The following KPNB1 variants were observed in gnomAD, a reference collection of about 807,000 sequenced individuals.
KPNB1 encodes karyopherin subunit beta 1, also known as importin subunit beta-1.
KPNB1 carries 7 observed loss-of-function variants against 113.0 expected under a neutral mutation model. That is an observed-to-expected ratio of 0.06 (90% confidence interval 0.04 to 0.12). The LOEUF (loss-of-function observed/expected upper bound fraction) is 0.12, where lower values mean the gene tolerates loss of function less well. Ranked by LOEUF, KPNB1 falls within the 10% of genes least tolerant of loss-of-function variation. The probability of loss-of-function intolerance (pLI) is 1.00; values close to 1 mark genes in which losing one functional copy is unlikely to be tolerated. For missense variants in KPNB1, 400 were observed against 1,054.8 expected (o/e 0.38, Z 8.60); for synonymous variants, 363 against 378.6 (o/e 0.96, Z 0.48).
At chr17:47,666,457 T>G (rs1016267551) in intron 9 of KPNB1, among the ~76,000 whole-genome samples, 1 of 137,334 alleles carries the variant, frequency 7.3e-6, no homozygotes, top group South Asian at 2.2e-4. Context: ...ATATATTATG[T>G]TATATATATT....
Position 47,685,120 on chromosome 17 carries a change from T to G in KPNB1, c.*2716T>G, listed in dbSNP as rs1030805210. 1.3e-5 allele frequency: 2 copies of G among 152,162 alleles called. No individual in the cohort carries two copies. The highest frequency in any genetic ancestry group is 4.8e-5 in the African/African-American group (2 of 41,426). The allele number at this position is 152,162 out of a possible 1,614,324, so 9.4% of individuals were successfully genotyped here. A position where few individuals can be genotyped will look rare whatever the true frequency, so the allele number is the denominator to read the frequency against. ...TACATTTATTAATTTTGCTTTTCAT[T>G]TTTCCCAGTTCTCCTCACCCCCCCT... is the stretch of plus-strand genomic sequence containing the variant. On this transcript the variant is annotated 3_prime_UTR_variant, in exon 22 of 22. Coordinates refer to ENST00000290158, the MANE Select transcript of KPNB1 (RefSeq NM_002265.6).
rs774017768 is a variant in KPNB1 at position 47,682,432 on chromosome 17, G to A, written c.*28G>A. 5.1e-6 allele frequency: 4 copies of A among 780,152 alleles called. No individual in the cohort carries two copies. Among genetic ancestry groups the A allele is most frequent in the Non-Finnish European group, 7.2e-6 (3 of 418,104 alleles). The allele number at this position is 780,152 out of a possible 1,614,324, so 48.3% of individuals were successfully genotyped here. On this transcript the variant is annotated 3_prime_UTR_variant, in exon 22 of 22. Transcript: ENST00000290158. ...TGTTACCATTGGGATGATAACCTGA[G>A]GACCCCCACTGGAAATCTCCCATCT...
chr17:47,670,586 T>G, intron 11 of KPNB1, 116 bp from the exon 12 acceptor site: 1 of 1,043,888 alleles, frequency 9.6e-7, no homozygotes, highest in East Asian at 2.4e-5. Flanking sequence ...TGAGATGACC[T>G]TGGCAGAAAA....
chr17:47,658,639 C>A lies in KPNB1; in HGVS notation c.615C>A (p.Thr205=). Residue 205 remains threonine (T), a synonymous_variant, in exon 5 of 22, where the codon ACC becomes ACA. Transcript: ENST00000290158. ...TNALLNSLEF[T]KANFDKESER... ...CACTCCTGAACTCATTGGAGTTCAC[C>A]AAAGCAAACTTTGATAAAGAGGTAA... 6.2e-7 allele frequency: 1 copy of A among 1,612,870 alleles called. No individual in the cohort carries two copies. The highest frequency in any genetic ancestry group is 8.5e-7 in the Non-Finnish European group (1 of 1,179,460).
At position 47,649,961 on chromosome 17, in the gene KPNB1, CT is replaced by C; in HGVS notation, c.-281del. ...CTCTCACTCACAGCCTCCCTTCCTT[CT>C]TTCTCCCTCCGCCTCCCGAGCACCA... On this transcript the variant is annotated 5_prime_UTR_variant, in exon 1 of 22. Coordinates refer to ENST00000290158, the MANE Select transcript of KPNB1 (RefSeq NM_002265.6). The C allele has an allele frequency of 7.6e-7, 1 of 1,323,986 alleles. No homozygotes were observed. The highest frequency in any genetic ancestry group is 9.6e-7 in the Non-Finnish European group (1 of 1,041,378). 82.0% of individuals were successfully genotyped at this position (1,323,986 alleles called of 1,614,324 possible).
rs2030572811 is a variant in KPNB1 at position 47,675,365 on chromosome 17, TTTTTTTGTTTTTTTTTTTTGTTTG to T, written c.1912+590_1912+613del. Among the ~76,000 whole-genome samples the T allele has an allele frequency of 3.5e-5, 4 of 114,108 alleles. 1 individual carries two copies. Among genetic ancestry groups the T allele is most frequent in the African/African-American group, 1.2e-4 (3 of 25,592 alleles). The allele number at this position is 114,108 out of a possible 152,430, so 74.9% of individuals were successfully genotyped here. On this transcript the variant is annotated intron_variant, in intron 15 of 21. Transcript: ENST00000290158. The stretch of plus-strand genomic sequence containing the variant: ...ACGGAGATTGGCAGAGGTGTTGTTT[TTTTTTTGTTTTTTTTTTTTGTTTG>T]TTTTTTTTTTGAGACTTGTTCTGTT...
At position 47,650,170 on chromosome 17, in the gene KPNB1, A is replaced by ACCCCCCCCCCCCC; in HGVS notation, c.-75_-74insCCCCCCCCCCCCC. On this transcript the variant is annotated 5_prime_UTR_variant, in exon 1 of 22. Transcript: ENST00000290158. The stretch of plus-strand genomic sequence containing the variant: ...CCTTCCCACCCGACCCCCAACCCCC[A>ACCCCCCCCCCCCC]TCCCCAGTTCGAGCCGCCGCCCGAA... 2 of 707,846 alleles carry ACCCCCCCCCCCCC rather than the reference A, an allele frequency of 2.8e-6. No homozygotes were observed. Among genetic ancestry groups the ACCCCCCCCCCCCC allele is most frequent in the Admixed American group, 1.2e-4 (1 of 8,228 alleles). The allele number at this position is 707,846 out of a possible 1,614,324, so 43.8% of individuals were successfully genotyped here.
At chr17:47,670,641 T>G in intron 11 of KPNB1, 61 bp from the exon 12 acceptor site, 3,164 of 1,443,860 alleles carry the variant, frequency 2.2e-3, no homozygotes, top group Non-Finnish European at 2.7e-3. Context: ...TAATGAAAAA[T>G]GAGATAATCC....
intron 7 of KPNB1, 149 bp downstream of exon 7, chr17:47,663,327 G>A (rs1409606644): frequency 1.7e-5 from 10 of 574,462 alleles, no homozygotes; most frequent in Middle Eastern, 4.2e-4. Context: ...GCTCATCAGT[G>A]GTGTGCCAAG....
chr17:47,679,879 A>T (rs2030721185), intron 19 of KPNB1, 141 bp from the exon 20 acceptor site: 3 of 583,466 alleles, frequency 5.1e-6, no homozygotes, highest in Non-Finnish European at 9.3e-6. Flanking sequence ...TTGTATTTTT[A>T]GTAGAGACGG....
At chr17:47,653,194 A>G (rs947406605) in intron 3 of KPNB1, among the ~76,000 whole-genome samples, 3 of 151,920 alleles carry the variant, frequency 2.0e-5, no homozygotes, top group Non-Finnish European at 4.4e-5. Flanking sequence ...TTGTATAAAA[A>G]TTAGGGAATT....
chr17:47,655,205 C>A (rs563585116), intron 3 of KPNB1, among the ~76,000 whole-genome samples: 255 of 152,320 alleles, frequency 1.7e-3, no homozygotes, highest in African/African-American at 5.7e-3. Context: ...TTAGTGAGTT[C>A]ATTGACTGAA....
At chr17:47,662,440 A>G (rs2030131836) in intron 6 of KPNB1, among the ~76,000 whole-genome samples, 2 of 151,946 alleles carry the variant, frequency 1.3e-5, no homozygotes, top group Non-Finnish European at 2.9e-5. Context: ...GCTGTGCGTG[A>G]TGGGGCGAGC....
At chr17:47,666,807 C>T (rs1331862456) in intron 9 of KPNB1, among the ~76,000 whole-genome samples, 4 of 151,276 alleles carry the variant, frequency 2.6e-5, no homozygotes, top group South Asian at 2.1e-4. Flanking sequence ...TTAGTAGAGA[C>T]GGGGTTTCAC....
chr17:47,666,839 G>A lies in KPNB1; in HGVS notation c.1000-1347G>A, dbSNP rs181520338. On this transcript the variant is annotated intron_variant, in intron 9 of 21. Coordinates refer to ENST00000290158, the MANE Select transcript of KPNB1 (RefSeq NM_002265.6). ...TCACCATGTTGGCCAGGATGATCTCGATTTTTTGACCTCATGATCCGCCCA... is the reference window on the plus strand; with the variant it reads ...TCACCATGTTGGCCAGGATGATCTCAATTTTTTGACCTCATGATCCGCCCA... Among the ~76,000 whole-genome samples, 1,155 of 151,482 alleles carry A rather than the reference G, an allele frequency of 7.6e-3. 7 individuals are homozygous for A. Among genetic ancestry groups the A allele is most frequent in the Middle Eastern group, 0.014 (4 of 294 alleles).
intron 6 of KPNB1, among the ~76,000 whole-genome samples, chr17:47,661,891 A>G (rs1386444507): frequency 6.6e-6 from 1 of 152,198 alleles, no homozygotes; most frequent in Admixed American, 6.5e-5. Flanking sequence ...TAAAAAATAT[A>G]TATACACAAA....
In KPNB1 at chr17:47,650,243, C is replaced by G. The variant is rs923624180; in HGVS notation, c.-2C>G. The stretch of plus-strand genomic sequence containing the variant: ...GGAGTCGCCGCCGCCGCCACCTCCG[C>G]CATGGAGCTGATCACCATTCTCGAG... On this transcript the variant is annotated 5_prime_UTR_variant, in exon 1 of 22. Transcript: ENST00000290158. The G allele has an allele frequency of 2.5e-6, 4 of 1,591,658 alleles. No individual in the cohort carries two copies. In the South Asian group the frequency reaches 4.5e-5, roughly 18 times the overall value.
rs545874433 is a variant in KPNB1, at chr17:47,650,579, C to T, written c.99+135C>T. 4.4e-4 allele frequency: 336 copies of T among 762,152 alleles called. 1 individual carries two copies. In the African/African-American group the frequency reaches 5.2e-3, roughly 12 times the overall value. 47.2% of individuals were successfully genotyped at this position (762,152 alleles called of 1,614,324 possible). ...GTCCCCCTCCCCCCTCCCCCTCCCC[C>T]CCCAACCCGGTCCAACCTAACCCCG... On this transcript the variant is annotated intron_variant, in intron 2 of 21. Coordinates refer to ENST00000290158, the MANE Select transcript of KPNB1 (RefSeq NM_002265.6).
chr17:47,662,085 T>C (rs1311739399), intron 6 of KPNB1: 1 of 152,120 alleles, frequency 6.6e-6, no homozygotes, highest in Non-Finnish European at 1.5e-5. Context: ...AGCCGTACCA[T>C]GGGTTCCACA....
Sources: gnomAD v4.1 joint callset for allele counts (sites outside exome capture counted in the v4.1 genomes callset) on GRCh38, gnomAD v4.1.1 for gene constraint, MANE v1.5 for transcripts, NCBI Gene and HGNC (gene_info 2026-07-23, HGNC 2026-07-21) for gene names.